Variants in PTPRD observed in about 807,000 individuals in gnomAD.
PTPRD encodes receptor-type tyrosine-protein phosphatase delta.
Under a neutral mutation model 214.5 loss-of-function variants are expected in PTPRD, and 34 were observed. That is an observed-to-expected ratio of 0.16 (90% CI 0.12 to 0.21). The LOEUF is 0.21. Among genes scored for constraint, PTPRD ranks in the 10% least tolerant of loss-of-function variants. The pLI is 1.00. For synonymous variants in PTPRD, 1,128 were observed against 845.7 expected, an observed-to-expected ratio of 1.33 and a Z score of -5.79; for missense variants, 2,545 against 2,398.7, an observed-to-expected ratio of 1.06 and a Z score of -1.27.
At chr9:8,597,047 A>G (rs2154270681) in intron 14 of PTPRD, among the ~76,000 whole-genome samples, 2 of 152,258 alleles carry the variant, frequency 1.3e-5, no homozygotes, top group East Asian at 3.9e-4. Flanking sequence ...GATTTGCTCA[A>G]ATAAATCAAT....
intron 3 of PTPRD, among the ~76,000 whole-genome samples, chr9:10,210,171 T>C (rs763122452): frequency 2.6e-5 from 4 of 152,268 alleles, no homozygotes; most frequent in South Asian, 2.1e-4. Flanking sequence ...TAAAATACAA[T>C]TGTGAAAAAT....
intron 9 of PTPRD, among the ~76,000 whole-genome samples, chr9:9,311,766 C>A (rs976570094): frequency 6.6e-6 from 1 of 152,154 alleles, no homozygotes; most frequent in African/African-American, 2.4e-5. Context: ...TACAGAATCA[C>A]TCTCCTCTGT....
intron 2 of PTPRD, among the ~76,000 whole-genome samples, chr9:10,463,326 T>C (rs2098971838): frequency 6.6e-6 from 1 of 152,122 alleles, no homozygotes; most frequent in African/African-American, 2.4e-5. Flanking sequence ...TGTATCTGCT[T>C]ACCAGAAGTT....
chr9:9,423,653 G>C (rs978524667), intron 8 of PTPRD, among the ~76,000 whole-genome samples: 1 of 152,128 alleles, frequency 6.6e-6, no homozygotes, highest in Non-Finnish European at 1.5e-5. Flanking sequence ...GATGGCAACA[G>C]AGATAACTGC....
chr9:9,987,710 C>A (rs1566942953), intron 4 of PTPRD, among the ~76,000 whole-genome samples: 1 of 152,102 alleles, frequency 6.6e-6, no homozygotes, highest in East Asian at 1.9e-4. Context: ...CTTTGGTTTA[C>A]CTTAAAGATT....
intron 12 of PTPRD, among the ~76,000 whole-genome samples, chr9:8,728,809 G>A (rs185746895): frequency 6.8e-4 from 104 of 152,020 alleles, no homozygotes; most frequent in African/African-American, 2.0e-3. Flanking sequence ...GTGAAACCCC[G>A]TATTTATTAA....
At chr9:9,206,683 G>A (rs1033252196) in intron 9 of PTPRD, among the ~76,000 whole-genome samples, 1 of 152,190 alleles carries the variant, frequency 6.6e-6, no homozygotes, top group South Asian at 2.1e-4. Context: ...TCTGTCTTTT[G>A]TGTTGGATGC....
intron 4 of PTPRD, among the ~76,000 whole-genome samples, chr9:9,951,941 C>T (rs1349641364): frequency 1.3e-5 from 2 of 152,184 alleles, no homozygotes; most frequent in Non-Finnish European, 2.9e-5. Context: ...GGTAAGAACA[C>T]CTGGCCCTGG....
At chr9:8,477,100 C>A (rs1362904997) in intron 30 of PTPRD, among the ~76,000 whole-genome samples, 1 of 150,606 alleles carries the variant, frequency 6.6e-6, no homozygotes, top group Non-Finnish European at 1.5e-5. Flanking sequence ...ATCATATGAG[C>A]TGAAAGAACT....
chr9:9,935,435 G>C (rs1031052614), intron 5 of PTPRD, among the ~76,000 whole-genome samples: 4 of 151,730 alleles, frequency 2.6e-5, no homozygotes, highest in Admixed American at 6.6e-5. Context: ...ACCAACAACA[G>C]ACAAACAGAG....
At chr9:8,760,592 C>G (rs1181100732) in intron 11 of PTPRD, among the ~76,000 whole-genome samples, 2 of 148,604 alleles carry the variant, frequency 1.3e-5, no homozygotes, top group African/African-American at 2.6e-5. Flanking sequence ...TGCTCCCTCT[C>G]TCTGTCTGTG....
At chr9:8,811,935 G>C (rs1277982861) in intron 11 of PTPRD, among the ~76,000 whole-genome samples, 1 of 152,070 alleles carries the variant, frequency 6.6e-6, no homozygotes, top group East Asian at 1.9e-4. Flanking sequence ...TGTGAGGCCT[G>C]AGTGAAGATC....
At chr9:10,165,461 T>G (rs58189688) in intron 3 of PTPRD, among the ~76,000 whole-genome samples, 5,167 of 151,896 alleles carry the variant, frequency 0.034, 281 homozygotes, top group African/African-American at 0.12. Context: ...AAAAATTTAA[T>G]AGTGTCAAAC....
intron 7 of PTPRD, among the ~76,000 whole-genome samples, chr9:9,588,788 A>G (rs1391763135): frequency 6.6e-6 from 1 of 151,970 alleles, no homozygotes; most frequent in Non-Finnish European, 1.5e-5. Context: ...TTACTCATCA[A>G]TGTCATCATT....
chr9:8,767,266 C>T, intron 11 of PTPRD, among the ~76,000 whole-genome samples: 1 of 151,986 alleles, frequency 6.6e-6, no homozygotes, highest in East Asian at 1.9e-4. Flanking sequence ...TACAGGTGTG[C>T]ACCACCACAA....
chr9:8,764,884 G>A (rs529179842), intron 11 of PTPRD, among the ~76,000 whole-genome samples: 30 of 151,840 alleles, frequency 2.0e-4, no homozygotes, highest in African/African-American at 7.2e-4. Flanking sequence ...ATATTAATAT[G>A]TAATCATTTA....
At chr9:9,160,220 A>G (rs1299637390) in intron 10 of PTPRD, among the ~76,000 whole-genome samples, 2 of 152,198 alleles carry the variant, frequency 1.3e-5, no homozygotes, top group East Asian at 1.9e-4. Context: ...ATGCTTCTGC[A>G]TAGCAAAGGA....
intron 3 of PTPRD, among the ~76,000 whole-genome samples, chr9:10,291,228 A>T (rs953334468): frequency 6.6e-6 from 1 of 151,500 alleles, no homozygotes; most frequent in Non-Finnish European, 1.5e-5. Flanking sequence ...TAAAAAGAGC[A>T]GCCATCATGC....
chr9:8,869,776 C>G (rs2098263439), intron 11 of PTPRD, among the ~76,000 whole-genome samples: 1 of 150,830 alleles, frequency 6.6e-6, no homozygotes, highest in Non-Finnish European at 1.5e-5. Flanking sequence ...TTACCTAAAT[C>G]TACAAGCTAT....
Sources: allele counts gnomAD v4.1 joint callset (sites outside exome capture counted in the v4.1 genomes callset), GRCh38; gene constraint gnomAD v4.1.1; transcripts MANE v1.5; gene names NCBI Gene and HGNC (gene_info 2026-07-23, HGNC 2026-07-21).